Variants in GRID2 observed in about 807,000 individuals in gnomAD.
The protein encoded by GRID2 is glutamate ionotropic receptor delta type subunit 2.
A neutral mutation model predicts 114.8 loss-of-function variants in GRID2; 33 were observed. That is an observed-to-expected ratio of 0.29 (90% CI 0.22 to 0.38). GRID2 has a LOEUF of 0.38. Among genes scored for constraint, GRID2 ranks in the 10% least tolerant of loss-of-function variants. The pLI, the probability that GRID2 is intolerant of heterozygous loss-of-function variation, is 1.00. For missense variants in GRID2, 1,184 were observed against 1,257.7 expected, an observed-to-expected ratio of 0.94 and a Z score of 0.89; for synonymous variants, 505 against 449.9, an observed-to-expected ratio of 1.12 and a Z score of -1.55.
chr4:92,934,488 A>G lies in GRID2; in HGVS notation c.245-150507A>G, dbSNP rs1410852274. Among the ~76,000 whole-genome samples, 4 of 146,582 alleles carry G rather than the reference A, an allele frequency of 2.7e-5. No homozygotes were observed. In the East Asian group the frequency reaches 8.7e-4, roughly 32 times the overall value. ...CAAGGTAATTTATAGATTCAATGCCATCCCCATCAAGCTACCAATGACTTT... is the reference window on the plus strand; with the variant it reads ...CAAGGTAATTTATAGATTCAATGCCGTCCCCATCAAGCTACCAATGACTTT... On this transcript the variant is annotated intron_variant, in intron 2 of 15. Coordinates refer to ENST00000282020, the MANE Select transcript of GRID2 (RefSeq NM_001510.4).
At chr4:92,659,646 G>T (rs1300509852) in intron 2 of GRID2, among the ~76,000 whole-genome samples, 1 of 151,280 alleles carries the variant, frequency 6.6e-6, no homozygotes, top group African/African-American at 2.4e-5. Context: ...TGAAAAAATA[G>T]AAAATATTTT....
At chr4:92,395,043 A>T (rs972430292) in intron 1 of GRID2, among the ~76,000 whole-genome samples, 1 of 151,614 alleles carries the variant, frequency 6.6e-6, no homozygotes, top group African/African-American at 2.4e-5. Flanking sequence ...AACACATTAA[A>T]ATTACCAAGT....
chr4:92,634,861 GAGAGAGAGAGAGAGAGAA>G (rs1305813197), intron 2 of GRID2, among the ~76,000 whole-genome samples: 3 of 146,112 alleles, frequency 2.1e-5, no homozygotes, highest in Non-Finnish European at 3.0e-5. Flanking sequence ...CAGAGAGACA[GAGAGAGAGAGAGAGAGAA>G]AGAGAGAGAG....
intron 1 of GRID2, among the ~76,000 whole-genome samples, chr4:92,400,066 C>A (rs1052567892): frequency 6.6e-6 from 1 of 152,078 alleles, no homozygotes; most frequent in Non-Finnish European, 1.5e-5. Flanking sequence ...CAGCTATAAC[C>A]TGTCTCATTC....
At chr4:92,338,270 A>C (rs1727286273) in intron 1 of GRID2, among the ~76,000 whole-genome samples, 1 of 152,218 alleles carries the variant, frequency 6.6e-6, no homozygotes, top group African/African-American at 2.4e-5. Flanking sequence ...GACAAAAATT[A>C]TAAAGACGGA....
At chr4:92,312,159 T>C (rs1328939328) in intron 1 of GRID2, among the ~76,000 whole-genome samples, 3 of 151,754 alleles carry the variant, frequency 2.0e-5, no homozygotes, top group Non-Finnish European at 2.9e-5. Context: ...TCAAAGGCAA[T>C]TGGAGTATAG....
intron 4 of GRID2, among the ~76,000 whole-genome samples, chr4:93,198,822 T>C (rs961097962): frequency 8.5e-5 from 13 of 152,134 alleles, no homozygotes; most frequent in African/African-American, 3.1e-4. Flanking sequence ...ATGAATAGAC[T>C]TGAAAAACTT....
intron 1 of GRID2, among the ~76,000 whole-genome samples, chr4:92,380,214 T>A (rs1256026738): frequency 1.3e-5 from 2 of 151,862 alleles, no homozygotes. Context: ...TGTGTTGATT[T>A]TTTTGTGTAA....
chr4:93,411,255 T>C (rs1767100388), intron 9 of GRID2, among the ~76,000 whole-genome samples: 2 of 152,270 alleles, frequency 1.3e-5, no homozygotes, highest in East Asian at 1.9e-4. Flanking sequence ...CTATTGAGCA[T>C]GAATACACAA....
At chr4:92,551,367 T>C (rs1217899240) in intron 1 of GRID2, among the ~76,000 whole-genome samples, 1 of 152,166 alleles carries the variant, frequency 6.6e-6, no homozygotes, top group South Asian at 2.1e-4. Flanking sequence ...AGAAGTATTA[T>C]GTGCAAATGT....
At chr4:92,889,637 A>G (rs914406693) in intron 2 of GRID2, among the ~76,000 whole-genome samples, 5 of 152,218 alleles carry the variant, frequency 3.3e-5, no homozygotes, top group African/African-American at 1.2e-4. Flanking sequence ...AAATGGAAAT[A>G]TATCGCATGC....
At chr4:93,555,213 CT>C (rs1296160044) in intron 13 of GRID2, among the ~76,000 whole-genome samples, 2 of 152,014 alleles carry the variant, frequency 1.3e-5, no homozygotes, top group Non-Finnish European at 2.9e-5. Flanking sequence ...AGCTTCAGGA[CT>C]TTTTTTTCAT....
chr4:92,748,974 G>A (rs1214300195), intron 2 of GRID2, among the ~76,000 whole-genome samples: 2 of 151,224 alleles, frequency 1.3e-5, no homozygotes, highest in African/African-American at 2.4e-5. Flanking sequence ...AGCAGATTCT[G>A]ATTTGTACCA....
At chr4:93,597,227 T>G (rs1248680067) in intron 13 of GRID2, among the ~76,000 whole-genome samples, 1 of 152,236 alleles carries the variant, frequency 6.6e-6, no homozygotes, top group African/African-American at 2.4e-5. Context: ...AGCTATTTTT[T>G]TAACAAATTG....
chr4:93,409,727 GCA>G (rs1766918543), intron 9 of GRID2, among the ~76,000 whole-genome samples: 2 of 152,152 alleles, frequency 1.3e-5, no homozygotes, highest in Admixed American at 1.3e-4. Context: ...ACTGATGGAG[GCA>G]GTCTAAATTA....
At chr4:92,836,153 A>C (rs1212626534) in intron 2 of GRID2, among the ~76,000 whole-genome samples, 3 of 152,238 alleles carry the variant, frequency 2.0e-5, no homozygotes, top group Non-Finnish European at 4.4e-5. Context: ...CTGTAACGAC[A>C]GAGTTGAGTA....
chr4:93,173,542 T>C (rs1244496481), intron 4 of GRID2, among the ~76,000 whole-genome samples: 1 of 152,200 alleles, frequency 6.6e-6, no homozygotes, highest in Non-Finnish European at 1.5e-5. Context: ...GATGATAAAA[T>C]ATAAAACTTC....
chr4:93,514,945 G>A (rs1729560240), intron 12 of GRID2, among the ~76,000 whole-genome samples: 1 of 152,094 alleles, frequency 6.6e-6, no homozygotes, highest in Non-Finnish European at 1.5e-5. Flanking sequence ...CTCCCATGAA[G>A]CTTCACAAAG....
chr4:93,510,063 A>G (rs960304585), intron 12 of GRID2, among the ~76,000 whole-genome samples: 8 of 152,298 alleles, frequency 5.3e-5, no homozygotes, highest in Non-Finnish European at 1.0e-4. Flanking sequence ...GATGCTTGTC[A>G]TATACCCCTA....
Sources: gnomAD v4.1 joint callset for allele counts (sites outside exome capture counted in the v4.1 genomes callset) on GRCh38, gnomAD v4.1.1 for gene constraint, MANE v1.5 for transcripts, NCBI Gene and HGNC (gene_info 2026-07-23, HGNC 2026-07-21) for gene names.